Variants in KIF18A observed in about 807,000 individuals in gnomAD.
KIF18A encodes kinesin family member 18A.
In KIF18A, 67 loss-of-function variants were observed where a neutral mutation model predicts 103.3. That is an observed-to-expected ratio of 0.65 (90% CI 0.53 to 0.79). The LOEUF is 0.79. Ranked by LOEUF, KIF18A falls within the 30% of genes least tolerant of loss-of-function variation. The pLI, the probability that KIF18A is intolerant of heterozygous loss-of-function variation, is 0.00. For synonymous variants in KIF18A, 367 were observed against 355.5 expected (o/e 1.03, Z -0.36); for missense variants, 1,032 against 1,062.5 (o/e 0.97, Z 0.40).
chr11:28,085,289 G>A (rs1851212635), intron 6 of KIF18A, among the ~76,000 whole-genome samples: 1 of 152,064 alleles, frequency 6.6e-6, no homozygotes, highest in South Asian at 2.1e-4. Context: ...AGGAGTCAGG[G>A]AACACTCTGC....
At chr11:28,063,304 G>T (rs1286674217) in intron 11 of KIF18A, among the ~76,000 whole-genome samples, 1 of 151,972 alleles carries the variant, frequency 6.6e-6, no homozygotes, top group Non-Finnish European at 1.5e-5. Context: ...AAAATTAAAT[G>T]ATCCTAATAG....
At chr11:28,105,535 C>T (rs1851493935) in intron 1 of KIF18A, among the ~76,000 whole-genome samples, 1 of 152,166 alleles carries the variant, frequency 6.6e-6, no homozygotes, top group South Asian at 2.1e-4. Context: ...ACCATTGATG[C>T]TGTACATTAA....
chr11:28,100,788 G>A (rs1362158262), intron 1 of KIF18A, among the ~76,000 whole-genome samples: 1 of 151,984 alleles, frequency 6.6e-6, no homozygotes, highest in Admixed American at 6.6e-5. Context: ...AGGAAGGGAT[G>A]GTCATTTGGA....
At chr11:28,065,247 A>T (rs1202803891) in intron 11 of KIF18A, among the ~76,000 whole-genome samples, 5 of 152,064 alleles carry the variant, frequency 3.3e-5, no homozygotes, top group African/African-American at 1.2e-4. Context: ...AAGTCCCTTT[A>T]TCGTAAAGTT....
intron 8 of KIF18A, 63 bp from the exon 9 acceptor site, chr11:28,083,031 T>A (rs960206386): frequency 2.1e-6 from 3 of 1,445,744 alleles, no homozygotes; most frequent in Admixed American, 2.4e-5. Flanking sequence ...ACAGCCAAAT[T>A]TAGCTGTAAA....
At chr11:28,037,506 C>G (rs1850508689) in intron 13 of KIF18A, among the ~76,000 whole-genome samples, 1 of 151,320 alleles carries the variant, frequency 6.6e-6, no homozygotes, top group Non-Finnish European at 1.5e-5. Flanking sequence ...ATATACTATG[C>G]CATTTTATGT....
chr11:28,084,110 C>A (rs1392051577), intron 7 of KIF18A, among the ~76,000 whole-genome samples: 1 of 151,948 alleles, frequency 6.6e-6, no homozygotes, highest in Admixed American at 6.6e-5. Context: ...TGGAGAAATA[C>A]AGAGATTGGT....
At chr11:28,044,438 C>T (rs894926812) in intron 13 of KIF18A, among the ~76,000 whole-genome samples, 1 of 151,876 alleles carries the variant, frequency 6.6e-6, no homozygotes, top group African/African-American at 2.4e-5. Context: ...TAAGTCCAAC[C>T]CTAGTTTTGT....
At chr11:28,038,200 T>A (rs1850518462) in intron 13 of KIF18A, among the ~76,000 whole-genome samples, 2 of 151,646 alleles carry the variant, frequency 1.3e-5, no homozygotes, top group South Asian at 4.1e-4. Context: ...AAGAAACAAA[T>A]TGTTTCATTA....
chr11:28,023,343 C>G (rs550426838), intron 16 of KIF18A, among the ~76,000 whole-genome samples: 2 of 152,064 alleles, frequency 1.3e-5, no homozygotes, highest in South Asian at 4.2e-4. Context: ...AGTTAGAGGC[C>G]AAATTATTCA....
At chr11:28,059,696 T>A (rs1331205959) in intron 12 of KIF18A, among the ~76,000 whole-genome samples, 1 of 152,156 alleles carries the variant, frequency 6.6e-6, no homozygotes, top group East Asian at 1.9e-4. Flanking sequence ...CCTCCCAAAG[T>A]GCTGGGATTA....
intron 16 of KIF18A, among the ~76,000 whole-genome samples, chr11:28,022,641 T>TG (rs936616991): frequency 1.3e-4 from 20 of 152,202 alleles, no homozygotes; most frequent in African/African-American, 4.3e-4. Flanking sequence ...AGAAGATCAG[T>TG]GGGGCAGTAC....
At chr11:28,024,200 A>AAAAC (rs1554968959) in intron 15 of KIF18A, among the ~76,000 whole-genome samples, 1 of 151,260 alleles carries the variant, frequency 6.6e-6, no homozygotes, top group Non-Finnish European at 1.5e-5. Flanking sequence ...TTAAAAAAAA[A>AAAAC]AAAAAAAAAA....
intron 13 of KIF18A, among the ~76,000 whole-genome samples, chr11:28,037,507 C>A (rs1399918226): frequency 6.6e-6 from 1 of 151,382 alleles, no homozygotes; most frequent in Admixed American, 6.6e-5. Flanking sequence ...TATACTATGC[C>A]ATTTTATGTA....
At chr11:28,054,544 A>C (rs1429665238) in intron 13 of KIF18A, among the ~76,000 whole-genome samples, 2 of 152,196 alleles carry the variant, frequency 1.3e-5, no homozygotes, top group Non-Finnish European at 2.9e-5. Context: ...GTGTGTATTT[A>C]AGTAAAAAGA....
At chr11:28,033,746 G>A (rs1012467901) in intron 15 of KIF18A, among the ~76,000 whole-genome samples, 1 of 151,474 alleles carries the variant, frequency 6.6e-6, no homozygotes, top group African/African-American at 2.4e-5. Context: ...GATGGTTAAT[G>A]GGGGGATGCT....
chr11:28,029,889 GACAA>G (rs1273909275), intron 15 of KIF18A, among the ~76,000 whole-genome samples: 4 of 97,920 alleles, frequency 4.1e-5, no homozygotes, highest in Admixed American at 1.3e-4. Context: ...ACCAATAACA[GACAA>G]ACAGAGAGAC....
chr11:28,057,806 T>C (rs551601713), intron 13 of KIF18A, among the ~76,000 whole-genome samples: 2 of 152,276 alleles, frequency 1.3e-5, no homozygotes, highest in East Asian at 1.9e-4. Context: ...TTATGGTACA[T>C]CTATTCTCTG....
At chr11:28,060,020 A>G (rs1850838209) in intron 12 of KIF18A, among the ~76,000 whole-genome samples, 1 of 152,168 alleles carries the variant, frequency 6.6e-6, no homozygotes, top group Non-Finnish European at 1.5e-5. Flanking sequence ...AAGGATGGGG[A>G]GTATAAATAA....
Sources: allele counts gnomAD v4.1 joint callset (sites outside exome capture counted in the v4.1 genomes callset), GRCh38; gene constraint gnomAD v4.1.1; transcripts MANE v1.5; gene names NCBI Gene and HGNC (gene_info 2026-07-23, HGNC 2026-07-21).